Variants in NR1D1 observed in about 807,000 individuals in gnomAD.
The protein encoded by NR1D1 is nuclear receptor subfamily 1 group D member 1, also known as Rev-ErbAalpha.
A neutral mutation model predicts 51.1 loss-of-function variants in NR1D1; 17 were observed. The ratio of observed to expected loss-of-function variants is 0.33; its 90% confidence interval spans 0.23 to 0.50. NR1D1 has a LOEUF of 0.50. NR1D1 is among the 20% of genes least tolerant of loss of function. NR1D1 has a pLI of 0.98. For missense variants in NR1D1, 647 were observed against 830.4 expected, an observed-to-expected ratio of 0.78 and a Z score of 2.71; for synonymous variants, 341 against 333.4, an observed-to-expected ratio of 1.02 and a Z score of -0.25.
At chr17:40,094,896 CAAAA>C (rs540045515) in intron 6 of NR1D1, 35 bp downstream of exon 6, 2 of 1,594,988 alleles carry the variant, frequency 1.3e-6, no homozygotes, top group Non-Finnish European at 1.7e-6. Flanking sequence ...AACTCTGTCT[CAAAA>C]AAAACAAAAA....
In NR1D1 at chr17:40,095,833, C is replaced by T. The variant is rs200329804; in HGVS notation, c.859G>A (p.Asp287Asn). ...GCCCGGGCCACCTGGGATATCACAT[C>T]CTCCACTGTGGGCTCAGGGCTTGGG... Reference protein sequence around the residue: ...RSPSPEPTVEDVISQVARAHR... With the variant: ...RSPSPEPTVENVISQVARAHR... Residue 287 changes from aspartate to asparagine, a missense_variant, in exon 5 of 8, where the codon GAT (aspartate) becomes AAT (asparagine). Asp to Asn is a conservative substitution (Grantham distance 23). This residue lies in a region of NR1D1 where 51 missense variants were observed against 75.9 expected (regional missense o/e 0.67). Transcript: ENST00000246672. The T allele has an allele frequency of 6.8e-6, 11 of 1,613,948 alleles. No homozygotes were observed. Among genetic ancestry groups the T allele is most frequent in the Non-Finnish European group, 9.3e-6 (11 of 1,180,014 alleles).
At chr17:40,095,250 A>G in intron 5 of NR1D1, 130 bp from the exon 6 acceptor site, 1 of 1,156,268 alleles carries the variant, frequency 8.6e-7, no homozygotes, top group East Asian at 2.6e-5. Context: ...TCTTTCAGAT[A>G]AAGTAGCAAT....
In NR1D1 at chr17:40,093,730, T is replaced by C. The variant is rs1313485174; in HGVS notation, c.1645+182A>G. On this transcript the variant is annotated intron_variant, in intron 7 of 7. Transcript: ENST00000246672. This position sits in a 1 kb window ranked among gnomAD's most constrained non-coding sequence, Gnocchi z 5.9. Reference sequence around the variant, plus strand: ...TGGTTCATGCTTCTACTGTGACACTTATCTCACTGTTTTATAATTAGTCGG... The same window carrying C: ...TGGTTCATGCTTCTACTGTGACACTCATCTCACTGTTTTATAATTAGTCGG... 1.6e-6 allele frequency: 1 copy of C among 642,776 alleles called. No individual in the cohort carries two copies. The highest frequency in any genetic ancestry group is 2.7e-6 in the Non-Finnish European group (1 of 373,868). 39.8% of individuals were successfully genotyped at this position (642,776 alleles called of 1,614,324 possible).
Position 40,096,730 on chromosome 17 carries a change from C to A in NR1D1, c.420G>T (p.Ser140=). The change falls in exon 3 of 8, where the codon TCG becomes TCT. Residue 140 remains serine (S), a synonymous_variant. Coordinates refer to ENST00000246672, the MANE Select transcript of NR1D1 (RefSeq NM_021724.5). ...AGGCGTGCACACCGTAGTGGAAGCCCGAGGCAACGTCCCCACACACTTTAC... is the reference window on the plus strand; with the variant it reads ...AGGCGTGCACACCGTAGTGGAAGCCAGAGGCAACGTCCCCACACACTTTAC... ...LLCKVCGDVA[S]GFHYGVHACE... is the part of the protein sequence containing the mutation. The A allele has an allele frequency of 6.2e-7, 1 of 1,614,170 alleles. No homozygotes were observed. Among genetic ancestry groups the A allele is most frequent in the Non-Finnish European group, 8.5e-7 (1 of 1,180,030 alleles).
Position 40,094,513 on chromosome 17 carries a change from T to A in NR1D1, c.1435-391A>T, listed in dbSNP as rs77798190. On this transcript the variant is annotated intron_variant, in intron 6 of 7. Transcript: ENST00000246672. The stretch of plus-strand genomic sequence containing the variant: ...GCTCAGCCCCTTTCACCAATCAGGC[T>A]ATAAGGACAAAGATACTGGGTTCCA... 5.3e-3 allele frequency among the ~76,000 whole-genome samples: 808 copies of A among 152,238 alleles called. 8 individuals carry two copies. Among genetic ancestry groups the A allele is most frequent in the African/African-American group, 0.019 (771 of 41,552 alleles).
chr17:40,099,431 A>G (rs1487903905), intron 1 of NR1D1, among the ~76,000 whole-genome samples: 2 of 152,178 alleles, frequency 1.3e-5, no homozygotes, highest in Admixed American at 1.3e-4. Context: ...GAATGAAAAC[A>G]AACGCAGCAC....
chr17:40,094,473 G>A (rs1420883353), intron 6 of NR1D1, among the ~76,000 whole-genome samples: 5 of 152,314 alleles, frequency 3.3e-5, no homozygotes, highest in African/African-American at 4.8e-5. Context: ...CCATCAAGAG[G>A]AAGCAGCAGG....
rs749848906 is a variant in NR1D1 at position 40,096,440 on chromosome 17, C to T, written c.604+3G>A. On this transcript the variant is annotated splice_donor_region_variant and intron_variant, in intron 4 of 7. Coordinates refer to ENST00000246672, the MANE Select transcript of NR1D1 (RefSeq NM_021724.5). The stretch of plus-strand genomic sequence containing the variant: ...GGGGGAGGATGTGGGGATGCTGCCT[C>T]ACCGTCTCGAGACATGCCCACAGAG... The T allele has an allele frequency of 6.2e-7, 1 of 1,614,212 alleles. No homozygotes were observed. The highest frequency in any genetic ancestry group is 2.2e-5 in the East Asian group (1 of 44,884).
In NR1D1 at chr17:40,093,444, C is replaced by T; in HGVS notation, c.1646-162G>A. 1 of 1,534,148 alleles carries T rather than the reference C, an allele frequency of 6.5e-7. No individual in the cohort carries two copies. The highest frequency in any genetic ancestry group is 8.8e-7 in the Non-Finnish European group (1 of 1,138,202). The stretch of plus-strand genomic sequence containing the variant: ...GCCATACCTTCTCCCAGGCCTCTGC[C>T]CCAAGAGCAGGAGGTGCCTGAAAGC... On this transcript the variant is annotated intron_variant, in intron 7 of 7. Transcript: ENST00000246672. The surrounding 1 kb of genome is among the most constrained non-coding windows in gnomAD (Gnocchi z 5.9).
chr17:40,097,015 C>A, intron 2 of NR1D1, 50 bp downstream of exon 2: 1 of 1,512,922 alleles, frequency 6.6e-7, no homozygotes, highest in Non-Finnish European at 9.0e-7. Flanking sequence ...CATTCCCAAT[C>A]TGGCCCTGGC....
rs201244764 is a variant in NR1D1, at chr17:40,093,921, C to A, written c.1636G>T (p.Val546Phe). ...CGAGAGCCTGACCTACCTGCAGAGA[C>A]AAGCACCACCGCGGTGAAGAGGCCC... Reference protein sequence around the residue: ...ELGLFTAVVLVSADRSGMENS... With the variant: ...ELGLFTAVVLFSADRSGMENS... Residue 546 changes from valine (V) to phenylalanine (F), a missense_variant, in exon 7 of 8, where the codon GTC becomes TTC. By Grantham distance (50) the Val-to-Phe change is conservative (BLOSUM62 -1). Transcript: ENST00000246672. The surrounding 1 kb of genome is among the most constrained non-coding windows in gnomAD (Gnocchi z 5.9). 6.6e-5 allele frequency: 107 copies of A among 1,613,098 alleles called. No homozygotes were observed. The highest frequency in any genetic ancestry group is 2.0e-4 in the Admixed American group (12 of 60,030).
chr17:40,093,535 A>G lies in NR1D1; in HGVS notation c.1646-253T>C. 8.0e-7 allele frequency: 1 copy of G among 1,247,538 alleles called. No homozygotes were observed. The highest frequency in any genetic ancestry group is 1.1e-6 in the Non-Finnish European group (1 of 921,202). 77.3% of individuals were successfully genotyped at this position (1,247,538 alleles called of 1,614,324 possible). A position where few individuals can be genotyped will look rare whatever the true frequency, so the allele number is the denominator to read the frequency against. ...GTAAGACCACCTTCCCTTCCTCAGC[A>G]GGCCAAACATGGCCAGACTCCCTTG... On this transcript the variant is annotated intron_variant, in intron 7 of 7. Transcript: ENST00000246672. The surrounding 1 kb of genome is among the most constrained non-coding windows in gnomAD (Gnocchi z 5.9).
Position 40,096,863 on chromosome 17 carries a change from AGGGAGG to A in NR1D1, c.371-90_371-85del, listed in dbSNP as rs916387799. The A allele has an allele frequency of 4.9e-6, 7 of 1,425,440 alleles. No individual in the cohort carries two copies. The African/African-American group carries it at 9.8e-5, about 20-fold the overall frequency. 88.3% of individuals were successfully genotyped at this position (1,425,440 alleles called of 1,614,324 possible). ...TGGAGGCTTTCTGGGCCGGAGATCCAGGGAGGGAAAAGCTAAGGAGGAACTCCAGTG... is the reference window on the plus strand; with the variant it reads ...TGGAGGCTTTCTGGGCCGGAGATCCAGAAAAGCTAAGGAGGAACTCCAGTG... On this transcript the variant is annotated intron_variant, in intron 2 of 7. Transcript: ENST00000246672.
At position 40,093,437 on chromosome 17, in the gene NR1D1, C is replaced by T. The variant is rs572783599; in HGVS notation, c.1646-155G>A. On this transcript the variant is annotated intron_variant, in intron 7 of 7. Transcript: ENST00000246672. This position sits in a 1 kb window ranked among gnomAD's most constrained non-coding sequence, Gnocchi z 5.9. ...AAGGAGTGCCATACCTTCTCCCAGG[C>T]CTCTGCCCCAAGAGCAGGAGGTGCC... 6 of 1,549,212 alleles carry T rather than the reference C, an allele frequency of 3.9e-6. No homozygotes were observed. In the Admixed American group the frequency reaches 5.7e-5, roughly 15 times the overall value.
chr17:40,095,780 A>C lies in NR1D1; in HGVS notation c.912T>G (p.His304Gln), dbSNP rs1205632534. Residue 304 changes from histidine to glutamine, a missense_variant, in exon 5 of 8, where the codon CAT becomes CAG. Coordinates refer to ENST00000246672, the MANE Select transcript of NR1D1 (RefSeq NM_021724.5). ...TGCCAGGTGAGCTGCCCAGCTTGTCATGGGCGTAGGTGAAGATCTCTCGAT... is the reference window on the plus strand; with the variant it reads ...TGCCAGGTGAGCTGCCCAGCTTGTCCTGGGCGTAGGTGAAGATCTCTCGAT... ...RAHREIFTYAHDKLGSSPGNF... is the reference protein window; with the variant it reads ...RAHREIFTYAQDKLGSSPGNF... 8 of 1,613,900 alleles carry C rather than the reference A, an allele frequency of 5.0e-6. No homozygotes were observed. The Admixed American group carries it at 1.2e-4, about 24-fold the overall frequency.
chr17:40,099,126 G>A (rs1428272885), intron 1 of NR1D1, among the ~76,000 whole-genome samples: 1 of 152,112 alleles, frequency 6.6e-6, no homozygotes, highest in Non-Finnish European at 1.5e-5. Flanking sequence ...CCCTCAGCCG[G>A]CCTCACGTCC....
At chr17:40,096,380 G>A (rs1358068774) in intron 4 of NR1D1, 63 bp downstream of exon 4, 27 of 1,608,470 alleles carry the variant, frequency 1.7e-5, no homozygotes, top group Non-Finnish European at 2.3e-5. Flanking sequence ...TTTTTTAAAG[G>A]GAAGGATTAA....
chr17:40,095,684 G>A lies in NR1D1; in HGVS notation c.1008C>T (p.Cys336=). ...TTPHRWENQG[C]PPAPNDNNTL... ...TGTTGTTGTCATTGGGGGCAGGTGG[G>A]CAGCCCTGATTTTCCCAGCGATGTG... The change falls in exon 5 of 8, where the codon TGC becomes TGT. Residue 336 remains cysteine, a synonymous_variant. Coordinates refer to ENST00000246672, the MANE Select transcript of NR1D1 (RefSeq NM_021724.5). The A allele has an allele frequency of 6.2e-7, 1 of 1,612,524 alleles. No individual in the cohort carries two copies. Among genetic ancestry groups the A allele is most frequent in the African/African-American group, 1.3e-5 (1 of 75,016 alleles).
chr17:40,094,171 G>A (rs1232192874), intron 6 of NR1D1, 49 bp from the exon 7 acceptor site: 2 of 1,551,890 alleles, frequency 1.3e-6, no homozygotes, highest in African/African-American at 1.4e-5. Flanking sequence ...GAGGAGCACT[G>A]ACCAAATCGC....
Sources: gnomAD v4.1 joint callset for allele counts (sites outside exome capture counted in the v4.1 genomes callset) on GRCh38, gnomAD v4.1.1 for gene constraint, gnomAD v4.1.1 regional missense constraint, Gnocchi (gnomAD v3.1) non-coding constraint, MANE v1.5 for transcripts, NCBI Gene and HGNC (gene_info 2026-07-23, HGNC 2026-07-21) for gene names.